The following ZCCHC7 variants were observed in gnomAD, a reference collection of about 807,000 sequenced individuals.
The protein encoded by ZCCHC7 is zinc finger CCHC-type containing 7.
ZCCHC7 carries 35 observed loss-of-function variants against 52.0 expected under a neutral mutation model. The observed-to-expected ratio is 0.67, with a 90% CI of 0.51 to 0.89. The LOEUF is 0.89. Among genes scored for constraint, ZCCHC7 ranks in the 40% least tolerant of loss-of-function variants. The probability of loss-of-function intolerance (pLI) is 0.00; values close to 1 mark genes in which losing one functional copy is unlikely to be tolerated. For synonymous variants in ZCCHC7, 217 were observed against 221.5 expected (o/e 0.98, Z 0.18); for missense variants, 574 against 649.1 (o/e 0.88, Z 1.26).
intron 2 of ZCCHC7, among the ~76,000 whole-genome samples, chr9:37,131,674 G>A (rs1006100164): frequency 1.6e-4 from 24 of 152,038 alleles, no homozygotes; most frequent in African/African-American, 4.1e-4. Flanking sequence ...AAGAAAATGG[G>A]CGTACACATT....
intron 2 of ZCCHC7, among the ~76,000 whole-genome samples, chr9:37,201,844 A>G (rs1823646570): frequency 6.6e-6 from 1 of 152,234 alleles, no homozygotes; most frequent in Non-Finnish European, 1.5e-5. Context: ...AAGAAGCTAT[A>G]CAAAACTCAT....
Position 37,126,568 on chromosome 9 carries a change from A to G in ZCCHC7, c.236A>G (p.Asp79Gly). The G allele has an allele frequency of 6.2e-7, 1 of 1,614,190 alleles. No homozygotes were observed. Among genetic ancestry groups the G allele is most frequent in the South Asian group, 1.1e-5 (1 of 91,088 alleles). Residue 79 changes from aspartate (D) to glycine (G), a missense_variant, in exon 2 of 9, where the codon GAT becomes GGT. This residue lies in a region of ZCCHC7 where 403 missense variants were observed against 461.2 expected (regional missense o/e 0.87). Coordinates refer to ENST00000336755, the MANE Select transcript of ZCCHC7 (RefSeq NM_032226.3). ...PNQKKLIVLS[D>G]SEVIQLSDGS... is the part of the protein sequence containing the mutation. ...CAGAAGAAGCTAATCGTCCTTTCAG[A>G]TAGTGAGGTCATCCAGCTGTCAGAT...
chr9:37,167,162 T>C (rs936735454), intron 2 of ZCCHC7, among the ~76,000 whole-genome samples: 5 of 152,174 alleles, frequency 3.3e-5, no homozygotes, highest in Non-Finnish European at 7.3e-5. Context: ...CTCTGTTTTA[T>C]TATAGATAGT....
At chr9:37,330,766 T>C (rs1009954384) in intron 6 of ZCCHC7, among the ~76,000 whole-genome samples, 1 of 151,486 alleles carries the variant, frequency 6.6e-6, no homozygotes, top group Non-Finnish European at 1.5e-5. Flanking sequence ...TAGATAAAAA[T>C]TTCCCCCTTT....
At chr9:37,209,655 C>T (rs1824109355) in intron 2 of ZCCHC7, among the ~76,000 whole-genome samples, 2 of 152,046 alleles carry the variant, frequency 1.3e-5, no homozygotes, top group Non-Finnish European at 2.9e-5. Flanking sequence ...TTCTGCATCC[C>T]CAGGGCCTAG....
At chr9:37,300,736 G>A (rs1320317640) in intron 2 of ZCCHC7, among the ~76,000 whole-genome samples, 2 of 152,182 alleles carry the variant, frequency 1.3e-5, no homozygotes, top group Non-Finnish European at 1.5e-5. Context: ...GAGGACAGAG[G>A]AAATCTTAGC....
In ZCCHC7 at chr9:37,140,546, C is replaced by T. The variant is rs375679045; in HGVS notation, c.610+13604C>T. Among the ~76,000 whole-genome samples the T allele has an allele frequency of 1.4e-3, 207 of 152,002 alleles. 3 individuals are homozygous for T. In the South Asian group the frequency reaches 0.019, roughly 14 times the overall value. Reference sequence around the variant, plus strand: ...GTGGTAGAGATCCATCAGGTACTTACTTGGTTGTGGAATATTTGTGTTCTT... The same window carrying T: ...GTGGTAGAGATCCATCAGGTACTTATTTGGTTGTGGAATATTTGTGTTCTT... On this transcript the variant is annotated intron_variant, in intron 2 of 8. Coordinates refer to ENST00000336755, the MANE Select transcript of ZCCHC7 (RefSeq NM_032226.3).
At chr9:37,129,456 A>G (rs1588344257) in intron 2 of ZCCHC7, among the ~76,000 whole-genome samples, 4 of 152,324 alleles carry the variant, frequency 2.6e-5, no homozygotes, top group African/African-American at 7.2e-5. Context: ...CCTATTTCCA[A>G]TTAATAAACA....
intron 2 of ZCCHC7, among the ~76,000 whole-genome samples, chr9:37,144,406 CAT>C (rs1843348973): frequency 2.0e-5 from 3 of 151,888 alleles, no homozygotes; most frequent in South Asian, 2.1e-4. Context: ...ATCCTAACAT[CAT>C]ATGTTATTTG....
chr9:37,253,136 C>T (rs1187147525), intron 2 of ZCCHC7, among the ~76,000 whole-genome samples: 4 of 151,856 alleles, frequency 2.6e-5, no homozygotes, highest in African/African-American at 7.3e-5. Flanking sequence ...TCTATAGATA[C>T]GGCAAGAAAA....
chr9:37,321,725 C>G (rs190734284), intron 5 of ZCCHC7, among the ~76,000 whole-genome samples: 2 of 152,086 alleles, frequency 1.3e-5, no homozygotes, highest in Non-Finnish European at 2.9e-5. Flanking sequence ...ATGATTACAC[C>G]ACTGCATTCT....
chr9:37,294,419 T>C (rs1476109847), intron 2 of ZCCHC7, among the ~76,000 whole-genome samples: 2 of 152,310 alleles, frequency 1.3e-5, no homozygotes, highest in Non-Finnish European at 2.9e-5. Context: ...CTTTAATCCA[T>C]AAACACTGGT....
chr9:37,211,950 C>A (rs1824241099), intron 2 of ZCCHC7, among the ~76,000 whole-genome samples: 1 of 140,610 alleles, frequency 7.1e-6, no homozygotes. Flanking sequence ...ATGGCATGAA[C>A]CCGGAGGCGG....
chr9:37,142,951 G>C (rs1301301556), intron 2 of ZCCHC7, among the ~76,000 whole-genome samples: 1 of 151,766 alleles, frequency 6.6e-6, no homozygotes, highest in Non-Finnish European at 1.5e-5. Context: ...CGTGGAAAAT[G>C]TTATTAATTC....
intron 2 of ZCCHC7, among the ~76,000 whole-genome samples, chr9:37,203,309 AT>A (rs890674650): frequency 3.3e-5 from 5 of 150,882 alleles, no homozygotes; most frequent in Non-Finnish European, 5.9e-5. Flanking sequence ...TCTTTAAAAA[AT>A]TTTTTTTTTA....
intron 2 of ZCCHC7, among the ~76,000 whole-genome samples, chr9:37,127,586 A>G (rs1357311373): frequency 6.6e-6 from 1 of 152,206 alleles, no homozygotes; most frequent in African/African-American, 2.4e-5. Context: ...CTTAATGCTT[A>G]TGCCTTCAAG....
At chr9:37,207,712 T>G (rs1564179023) in intron 2 of ZCCHC7, among the ~76,000 whole-genome samples, 1 of 152,154 alleles carries the variant, frequency 6.6e-6, no homozygotes, top group Non-Finnish European at 1.5e-5. Flanking sequence ...CCTACTAACT[T>G]TTCCTTCTGT....
At chr9:37,313,901 A>G (rs571192217) in intron 5 of ZCCHC7, among the ~76,000 whole-genome samples, 1 of 152,318 alleles carries the variant, frequency 6.6e-6, no homozygotes, top group East Asian at 1.9e-4. Context: ...AATTCTTTAT[A>G]ATAATGTCAA....
At chr9:37,327,399 T>A (rs1182134468) in intron 5 of ZCCHC7, 1 of 165,656 alleles carries the variant, frequency 6.0e-6, no homozygotes, top group African/African-American at 2.4e-5. Flanking sequence ...TTAAAGCAGT[T>A]ACTATTAAAT....
Sources: allele counts gnomAD v4.1 joint callset (sites outside exome capture counted in the v4.1 genomes callset), GRCh38; gene constraint gnomAD v4.1.1; regional missense constraint gnomAD v4.1.1; transcripts MANE v1.5; gene names NCBI Gene and HGNC (gene_info 2026-07-23, HGNC 2026-07-21).